The following KLHL1 variants were observed in gnomAD, a reference collection of about 807,000 sequenced individuals.
The protein encoded by KLHL1 is kelch-like protein 1.
In KLHL1, 47 loss-of-function variants were observed where a neutral mutation model predicts 77.7. The ratio of observed to expected loss-of-function variants is 0.60; its 90% confidence interval spans 0.48 to 0.77. The LOEUF is 0.77. Among genes scored for constraint, KLHL1 ranks in the 30% least tolerant of loss-of-function variants. KLHL1 has a pLI of 0.00. For synonymous variants in KLHL1, 360 were observed against 325.2 expected (o/e 1.11, Z -1.15); for missense variants, 925 against 910.8 (o/e 1.02, Z -0.20).
intron 1 of KLHL1, among the ~76,000 whole-genome samples, chr13:70,056,060 A>G (rs915305427): frequency 1.3e-5 from 2 of 152,090 alleles, no homozygotes; most frequent in African/African-American, 4.8e-5. Flanking sequence ...AATCAAACAT[A>G]CAAAACTAGA....
chr13:69,907,662 AACATGCTGATTGAAC>A (rs1447732575), intron 4 of KLHL1, among the ~76,000 whole-genome samples: 14 of 152,004 alleles, frequency 9.2e-5, no homozygotes, highest in Non-Finnish European at 2.1e-4. Flanking sequence ...GATAATTAGA[AACATGCTGATTGAAC>A]ATAATAGAGC....
chr13:70,074,011 A>G (rs76830026), intron 1 of KLHL1, among the ~76,000 whole-genome samples: 1 of 151,734 alleles, frequency 6.6e-6, no homozygotes, highest in Admixed American at 6.6e-5. Flanking sequence ...TTTTTACTAG[A>G]GATGGGGTTT....
At chr13:70,031,267 C>T (rs1053243080) in intron 1 of KLHL1, among the ~76,000 whole-genome samples, 30 of 152,276 alleles carry the variant, frequency 2.0e-4, no homozygotes, top group African/African-American at 7.2e-4. Flanking sequence ...CATCACCTTG[C>T]AAACATCACA....
intron 3 of KLHL1, among the ~76,000 whole-genome samples, chr13:69,958,944 A>C (rs1883979977): frequency 1.3e-5 from 2 of 151,966 alleles, no homozygotes; most frequent in Admixed American, 6.6e-5. Flanking sequence ...GTTCTTTTCT[A>C]TTGTTATAAT....
At chr13:70,096,246 T>G (rs189905067) in intron 1 of KLHL1, among the ~76,000 whole-genome samples, 72 of 152,168 alleles carry the variant, frequency 4.7e-4, no homozygotes, top group African/African-American at 1.7e-3. Flanking sequence ...AGTTCTATTT[T>G]TAGTTTTCTG....
chr13:69,858,744 G>A (rs1165203035), intron 5 of KLHL1, among the ~76,000 whole-genome samples: 1 of 152,056 alleles, frequency 6.6e-6, no homozygotes, highest in African/African-American at 2.4e-5. Context: ...TAGGTGATAT[G>A]TGATAAACAC....
intron 8 of KLHL1, among the ~76,000 whole-genome samples, chr13:69,734,832 T>G (rs1006396634): frequency 2.6e-5 from 4 of 152,130 alleles, no homozygotes; most frequent in Non-Finnish European, 5.9e-5. Flanking sequence ...TCCATAAAAC[T>G]TCTACTGTCA....
chr13:69,702,118 T>C (rs2137863831), intron 10 of KLHL1, among the ~76,000 whole-genome samples: 1 of 151,820 alleles, frequency 6.6e-6, no homozygotes. Flanking sequence ...TGGAGTATAT[T>C]TTAGATGAAA....
intron 1 of KLHL1, among the ~76,000 whole-genome samples, chr13:70,094,062 A>C (rs1004814783): frequency 2.0e-5 from 3 of 152,186 alleles, no homozygotes; most frequent in African/African-American, 7.2e-5. Flanking sequence ...TTAACTTACC[A>C]GTAGTTCTTT....
At chr13:70,034,735 A>G (rs192597887) in intron 1 of KLHL1, among the ~76,000 whole-genome samples, 1 of 152,296 alleles carries the variant, frequency 6.6e-6, no homozygotes, top group African/African-American at 2.4e-5. Context: ...ATTATACACC[A>G]TCGTTCTTTT....
rs527443100 is a variant in KLHL1, at chr13:69,779,439, CCTT to C, written c.1639+17296_1639+17298del. Among the ~76,000 whole-genome samples, 13 of 148,162 alleles carry C rather than the reference CCTT, an allele frequency of 8.8e-5. No individual in the cohort carries two copies. In the South Asian group the frequency reaches 2.7e-3, roughly 31 times the overall value. Reference sequence around the variant, plus strand: ...TTCCCTTTTTCCTTCTTTCCTTTCTCCTTCTTTCCTTTCCTTTTACTGTTGTTT... The same window carrying C: ...TTCCCTTTTTCCTTCTTTCCTTTCTCCTTTCCTTTCCTTTTACTGTTGTTT... On this transcript the variant is annotated intron_variant, in intron 7 of 10. Transcript: ENST00000377844.
chr13:69,937,836 T>C (rs1055719119), intron 4 of KLHL1, among the ~76,000 whole-genome samples: 5 of 152,142 alleles, frequency 3.3e-5, no homozygotes, highest in African/African-American at 1.2e-4. Flanking sequence ...CAAATTAAAG[T>C]CTGGGTAGAC....
intron 5 of KLHL1, among the ~76,000 whole-genome samples, chr13:69,855,345 T>TCTATAGATAGAGATAG (rs1879857351): frequency 1.4e-5 from 1 of 72,322 alleles, no homozygotes; most frequent in South Asian, 4.0e-4. Context: ...GATAGATAGA[T>TCTATAGATAGAGATAG]AGACAGACAG....
At chr13:69,994,411 A>G (rs1885099264) in intron 1 of KLHL1, among the ~76,000 whole-genome samples, 1 of 152,130 alleles carries the variant, frequency 6.6e-6, no homozygotes, top group African/African-American at 2.4e-5. Flanking sequence ...TAATCTCTTC[A>G]AAACCCTCAC....
chr13:70,031,203 A>G (rs1161072941), intron 1 of KLHL1, among the ~76,000 whole-genome samples: 1 of 152,178 alleles, frequency 6.6e-6, no homozygotes, highest in Admixed American at 6.5e-5. Context: ...AATTCTATGC[A>G]GAAGGTTTAA....
intron 7 of KLHL1, among the ~76,000 whole-genome samples, chr13:69,750,251 G>A (rs1208883193): frequency 2.6e-5 from 4 of 151,540 alleles, no homozygotes; most frequent in South Asian, 2.1e-4. Context: ...AATCGTCATC[G>A]TGTATAAAGT....
At chr13:69,959,206 A>G (rs1026348226) in intron 3 of KLHL1, among the ~76,000 whole-genome samples, 1 of 151,988 alleles carries the variant, frequency 6.6e-6, no homozygotes, top group African/African-American at 2.4e-5. Context: ...ACACCTTCCA[A>G]CTTTGTACAG....
intron 4 of KLHL1, among the ~76,000 whole-genome samples, chr13:69,886,090 A>C (rs1412884913): frequency 6.6e-6 from 1 of 152,178 alleles, no homozygotes; most frequent in African/African-American, 2.4e-5. Flanking sequence ...GAGTAGAGGT[A>C]GTCTAAAACT....
chr13:70,107,597 C>T lies in KLHL1; in HGVS notation c.103G>A (p.Gly35Arg). 1.9e-6 allele frequency: 3 copies of T among 1,598,560 alleles called. No individual in the cohort carries two copies. Among genetic ancestry groups the T allele is most frequent in the South Asian group, 2.3e-5 (2 of 88,670 alleles). The part of the protein sequence containing the change: ...PSPSTGGPAG[G>R]GCLQQDGSGS... ...CTGCCGTCCTGTTGCAGGCAGCCTC[C>T]CCCCGCCGGGCCGCCGGTGGAAGGA... is the stretch of plus-strand genomic sequence containing the variant. Residue 35 changes from glycine (G) to arginine (R), a missense_variant, in exon 1 of 11, where the codon GGA (glycine) becomes AGA (arginine). Physicochemically the swap from Gly to Arg is moderately radical, Grantham distance 125. Transcript: ENST00000377844.
Sources: allele counts gnomAD v4.1 joint callset (sites outside exome capture counted in the v4.1 genomes callset), GRCh38; gene constraint gnomAD v4.1.1; transcripts MANE v1.5; gene names NCBI Gene and HGNC (gene_info 2026-07-23, HGNC 2026-07-21).